Variants in COX7A2L observed in about 807,000 individuals in gnomAD.
The protein encoded by COX7A2L is cytochrome c oxidase subunit 7A2 like, also known as cytochrome c oxidase subunit 7A2-like, mitochondrial.
Under a neutral mutation model 14.2 loss-of-function variants are expected in COX7A2L, and 18 were observed. That is an observed-to-expected ratio of 1.27 (90% CI 0.88 to 1.88). The LOEUF (loss-of-function observed/expected upper bound fraction) is 1.88, where lower values mean the gene tolerates loss of function less well. Among genes scored for constraint, COX7A2L ranks in the 40% most tolerant of loss-of-function variants. The probability of loss-of-function intolerance (pLI) is 0.00; values close to 1 mark genes in which losing one functional copy is unlikely to be tolerated. For missense variants in COX7A2L, 179 were observed against 138.8 expected (o/e 1.29, Z -1.46); for synonymous variants, 65 against 57.4 (o/e 1.13, Z -0.60).
chr2:42,349,284 G>A (rs760238624), downstream of COX7A2L: 2 of 152,094 alleles, frequency 1.3e-5, no homozygotes, highest in South Asian at 2.1e-4. Context: ...ATAGAGTATC[G>A]ATTCATGCCA....
intron 2 of COX7A2L, among the ~76,000 whole-genome samples, chr2:42,336,626 GC>G (rs1224733451): frequency 6.6e-6 from 1 of 152,176 alleles, no homozygotes; most frequent in Non-Finnish European, 1.5e-5. Context: ...CGTTTGGCTG[GC>G]ACTGGGTTGG....
At position 42,340,651 on chromosome 2, in the gene COX7A2L, T is replaced by C. The variant is rs541059532; in HGVS notation, c.193-6782A>G. Among the ~76,000 whole-genome samples the C allele has an allele frequency of 9.1e-4, 139 of 152,088 alleles. 2 individuals are homozygous for C. The highest frequency in any genetic ancestry group is 3.1e-3 in the African/African-American group (130 of 41,512). ...CGAGATGCCCTCACACCTCAGTGCA[T>C]GCCTTCCCCATGTCCTCTAGTGGAA... On this transcript the variant is annotated intron_variant, in intron 2 of 2. Transcript: ENST00000468711.
chr2:42,335,760 T>C (rs894022011), intron 2 of COX7A2L, among the ~76,000 whole-genome samples: 8 of 152,184 alleles, frequency 5.3e-5, no homozygotes, highest in African/African-American at 1.9e-4. Context: ...AAAATAACAA[T>C]GGTTGTTAAT....
chr2:42,353,951 A>G lies in COX7A2L; in HGVS notation c.73-608T>C, dbSNP rs151124347. Among the ~76,000 whole-genome samples, 28 of 152,350 alleles carry G rather than the reference A, an allele frequency of 1.8e-4. No homozygotes were observed. In the East Asian group the frequency reaches 5.0e-3, roughly 27 times the overall value. On this transcript the variant is annotated intron_variant, in intron 1 of 2. Transcript: ENST00000234301. ...ACTGACACATGCTACAACACGGATAAGCCTCTAAAACATTACGCTGAGTCA... is the reference window on the plus strand; with the variant it reads ...ACTGACACATGCTACAACACGGATAGGCCTCTAAAACATTACGCTGAGTCA...
At chr2:42,365,072 A>G (rs937622097), upstream of COX7A2L, among the ~76,000 whole-genome samples, 5 of 152,266 alleles carry the variant, frequency 3.3e-5, no homozygotes, top group Non-Finnish European at 1.5e-5. Flanking sequence ...ATCATTTTAA[A>G]TACACTTAAT....
upstream of COX7A2L, chr2:42,365,880 G>A (rs1671154935): frequency 6.6e-6 from 1 of 152,036 alleles, no homozygotes; most frequent in Non-Finnish European, 1.5e-5. Flanking sequence ...TAGCGCTGTT[G>A]GAGAAAAGAA....
chr2:42,363,694 G>T (rs1325360407), upstream of COX7A2L, among the ~76,000 whole-genome samples: 1 of 152,188 alleles, frequency 6.6e-6, no homozygotes, highest in Non-Finnish European at 1.5e-5. Context: ...CAGTACTAAG[G>T]CACCCTATTC....
chr2:42,350,173 T>C lies in COX7A2L; in HGVS notation c.*1046A>G, dbSNP rs1670594251. 6.6e-6 allele frequency: 1 copy of C among 152,182 alleles called. No individual in the cohort carries two copies. The highest frequency in any genetic ancestry group is 2.1e-4 in the South Asian group (1 of 4,832). 9.4% of individuals were successfully genotyped at this position (152,182 alleles called of 1,614,324 possible). A position where few individuals can be genotyped will look rare whatever the true frequency, so the allele number is the denominator to read the frequency against. Reference sequence around the variant, plus strand: ...TTCTGTGCTATGGTAAGATACAAACTATTCCTTCATATATAATAAAATTCC... The same window carrying C: ...TTCTGTGCTATGGTAAGATACAAACCATTCCTTCATATATAATAAAATTCC... On this transcript the variant is annotated 3_prime_UTR_variant, in exon 3 of 3. Transcript: ENST00000234301.
rs778685511 is a variant in COX7A2L, at chr2:42,353,395, G to C, written c.73-52C>G. Reference sequence around the variant, plus strand: ...AGTTGAAAGTATGTCTGAGGAGGCTGTCTGGAATAGTGGAGGCAGCCATTC... The same window carrying C: ...AGTTGAAAGTATGTCTGAGGAGGCTCTCTGGAATAGTGGAGGCAGCCATTC... On this transcript the variant is annotated intron_variant, in intron 1 of 2. Coordinates refer to ENST00000234301, the MANE Select transcript of COX7A2L (RefSeq NM_004718.4). 5.6e-6 allele frequency: 9 copies of C among 1,601,722 alleles called. No individual in the cohort carries two copies. The South Asian group carries it at 1.0e-4, about 18-fold the overall frequency.
chr2:42,358,941 T>G (rs961790841), intron 1 of COX7A2L, among the ~76,000 whole-genome samples: 1 of 152,070 alleles, frequency 6.6e-6, no homozygotes, highest in Non-Finnish European at 1.5e-5. Flanking sequence ...GATCAGGCTG[T>G]GCAACACAGC....
intron 1 of COX7A2L, 114 bp downstream of exon 1, chr2:42,360,976 G>T: frequency 9.1e-7 from 1 of 1,093,388 alleles, no homozygotes; most frequent in South Asian, 1.3e-5. Context: ...AAGGAGAACA[G>T]AGACGAACTC....
upstream of COX7A2L, among the ~76,000 whole-genome samples, chr2:42,363,032 G>A (rs539942191): frequency 3.8e-4 from 57 of 151,696 alleles, 1 homozygote; most frequent in South Asian, 6.3e-3. Context: ...GCGCCACCAC[G>A]CCTGGCTAAT....
At chr2:42,346,107 CAGCTG>C (rs1323492601), downstream of COX7A2L, among the ~76,000 whole-genome samples, 4 of 152,214 alleles carry the variant, frequency 2.6e-5, no homozygotes, top group Admixed American at 6.5e-5. Flanking sequence ...TGGCACCAAA[CAGCTG>C]ACTGGCCCAG....
chr2:42,365,925 T>A (rs1671155907), upstream of COX7A2L: 1 of 152,122 alleles, frequency 6.6e-6, no homozygotes, highest in African/African-American at 2.4e-5. Context: ...AACAAACATA[T>A]CACCTCCACA....
At chr2:42,343,419 C>G (rs192633402) in intron 2 of COX7A2L, among the ~76,000 whole-genome samples, 11 of 152,302 alleles carry the variant, frequency 7.2e-5, no homozygotes, top group Admixed American at 7.2e-4. Context: ...AATTAAATGT[C>G]TAGAATAACA....
chr2:42,343,848 C>G (rs1186593232), intron 2 of COX7A2L, among the ~76,000 whole-genome samples: 1 of 152,164 alleles, frequency 6.6e-6, no homozygotes, highest in East Asian at 1.9e-4. Context: ...AAGAAAAAAG[C>G]AGATAAATAA....
upstream of COX7A2L, among the ~76,000 whole-genome samples, chr2:42,364,183 G>A (rs1470631152): frequency 1.3e-5 from 2 of 150,102 alleles, no homozygotes; most frequent in Non-Finnish European, 3.0e-5. Context: ...CCCGGGAGGC[G>A]GAGCTTGCAG....
intron 1 of COX7A2L, among the ~76,000 whole-genome samples, chr2:42,360,741 C>G (rs1453152174): frequency 2.0e-5 from 3 of 151,962 alleles, no homozygotes; most frequent in Non-Finnish European, 4.4e-5. Flanking sequence ...GGCCGAAAGC[C>G]AGATGTCTTC....
chr2:42,336,610 G>C (rs760046275), intron 2 of COX7A2L, among the ~76,000 whole-genome samples: 30 of 152,206 alleles, frequency 2.0e-4, no homozygotes, highest in Non-Finnish European at 8.8e-5. Context: ...TGTCAACAGT[G>C]ATGCCCGTTT....
Sources: allele counts gnomAD v4.1 joint callset (sites outside exome capture counted in the v4.1 genomes callset), GRCh38; gene constraint gnomAD v4.1.1; transcripts MANE v1.5; gene names NCBI Gene and HGNC (gene_info 2026-07-23, HGNC 2026-07-21).